The following ASCC3 variants were observed in gnomAD, a reference collection of about 807,000 sequenced individuals.
ASCC3 encodes the protein activating signal cointegrator 1 complex subunit 3, also known as ASC-1 complex subunit P200.
A neutral mutation model predicts 256.3 loss-of-function variants in ASCC3; 158 were observed. The ratio of observed to expected loss-of-function variants is 0.62; its 90% CI spans 0.54 to 0.70. The LOEUF is 0.70. ASCC3 is among the 30% of genes least tolerant of loss of function. The pLI is 0.00. For missense variants in ASCC3, 2,259 were observed against 2,626.0 expected (o/e 0.86, Z 3.05); for synonymous variants, 948 against 883.4 (o/e 1.07, Z -1.30).
chr6:100,694,522 A>T (rs191117160), intron 13 of ASCC3, among the ~76,000 whole-genome samples: 1 of 152,150 alleles, frequency 6.6e-6, no homozygotes, highest in South Asian at 2.1e-4. Context: ...CATTGTTTCT[A>T]AAGAGTTTAT....
At chr6:100,609,067 T>C (rs983962607) in intron 30 of ASCC3, among the ~76,000 whole-genome samples, 2 of 151,560 alleles carry the variant, frequency 1.3e-5, no homozygotes, top group African/African-American at 4.8e-5. Context: ...TGGCCTGCTA[T>C]AAATATTTTT....
rs142620290 is a variant in ASCC3, at chr6:100,655,747, C to T, written c.2775G>A (p.Arg925=). ...CATATGCTAATGGATTTGCTCTCAT[C>T]CGTACATAAAGATAAGTGTAACTTA... is the stretch of plus-strand genomic sequence containing the variant. ...KWISYTYLYV[R]MRANPLAYGI... The change falls in exon 17 of 42, where the codon CGG becomes CGA. Residue 925 remains arginine, a synonymous_variant. Transcript: ENST00000369162. The T allele has an allele frequency of 1.9e-6, 3 of 1,611,692 alleles. No individual in the cohort carries two copies. The highest frequency in any genetic ancestry group is 3.3e-5 in the Admixed American group (2 of 59,916).
At chr6:100,878,919 A>G (rs1769141660) in intron 1 of ASCC3, among the ~76,000 whole-genome samples, 10 of 152,174 alleles carry the variant, frequency 6.6e-5, no homozygotes, top group Admixed American at 6.5e-4. Flanking sequence ...AGATACTGTC[A>G]TATCCCACAG....
At chr6:100,514,611 T>G (rs999724557) in intron 39 of ASCC3, among the ~76,000 whole-genome samples, 3 of 149,344 alleles carry the variant, frequency 2.0e-5, no homozygotes, top group East Asian at 1.9e-4. Context: ...ATTTATTGGA[T>G]ATATATATAT....
chr6:100,764,972 A>G (rs1489789069), intron 10 of ASCC3, among the ~76,000 whole-genome samples: 1 of 152,188 alleles, frequency 6.6e-6, no homozygotes. Flanking sequence ...AATGACTAGT[A>G]TCCTTAAAAA....
chr6:100,808,605 T>C (rs1770305477), intron 4 of ASCC3, among the ~76,000 whole-genome samples: 1 of 151,892 alleles, frequency 6.6e-6, no homozygotes, highest in African/African-American at 2.4e-5. Flanking sequence ...ATTGCAAAAA[T>C]GTAAAATAAT....
chr6:100,628,860 CTTGAT>C (rs1774388539), intron 27 of ASCC3, among the ~76,000 whole-genome samples, 150 bp downstream of exon 27: 1 of 152,004 alleles, frequency 6.6e-6, no homozygotes, highest in Non-Finnish European at 1.5e-5. Context: ...TGTTAATTAG[CTTGAT>C]TTAATAATTC....
intron 4 of ASCC3, among the ~76,000 whole-genome samples, chr6:100,814,837 T>C (rs184560246): frequency 6.6e-6 from 1 of 152,274 alleles, no homozygotes; most frequent in East Asian, 1.9e-4. Flanking sequence ...CTTTTCTTCT[T>C]CATTAGTCTA....
At chr6:100,782,484 A>G (rs920734610) in intron 8 of ASCC3, among the ~76,000 whole-genome samples, 1 of 152,214 alleles carries the variant, frequency 6.6e-6, no homozygotes, top group Non-Finnish European at 1.5e-5. Context: ...TTTTGGGAAC[A>G]CAAAAATATT....
chr6:100,867,908 C>T lies in ASCC3; in HGVS notation c.90G>A (p.Lys30=), dbSNP rs1161807555. ...DNYNEEVADL[K]IKRSKLHEQV... is the part of the protein sequence containing the mutation. ...ACATTTCTACCTTTAACAAATCTAC[C>T]TTTAAGTCAGCCACTTCTTCATTAT... The change falls in exon 2 of 42, where the codon AAG becomes AAA. Residue 30 remains lysine, a splice_region_variant and synonymous_variant. Transcript: ENST00000369162. The T allele has an allele frequency of 1.2e-6, 2 of 1,608,532 alleles. No individual in the cohort carries two copies. Among genetic ancestry groups the T allele is most frequent in the Non-Finnish European group, 1.7e-6 (2 of 1,175,216 alleles).
intron 8 of ASCC3, among the ~76,000 whole-genome samples, chr6:100,769,696 G>A (rs910768151): frequency 4.0e-5 from 6 of 151,310 alleles, no homozygotes; most frequent in Non-Finnish European, 8.9e-5. Context: ...TTAACCTCTG[G>A]GCAGACTGAT....
At chr6:100,644,766 G>A (rs996985954) in intron 22 of ASCC3, among the ~76,000 whole-genome samples, 1 of 152,128 alleles carries the variant, frequency 6.6e-6, no homozygotes, top group Non-Finnish European at 1.5e-5. Flanking sequence ...GTAAGGCAGA[G>A]GCACATGACA....
chr6:100,873,141 C>T (rs201851535), intron 1 of ASCC3, among the ~76,000 whole-genome samples: 86 of 54,716 alleles, frequency 1.6e-3, no homozygotes, highest in Non-Finnish European at 3.8e-4. Context: ...TTTAAATAAA[C>T]AATAAATGAA....
intron 8 of ASCC3, among the ~76,000 whole-genome samples, chr6:100,782,755 A>C (rs564247345): frequency 6.6e-6 from 1 of 152,222 alleles, no homozygotes; most frequent in South Asian, 2.1e-4. Context: ...TCTGAGATGA[A>C]AAGATCTTTT....
At chr6:100,790,531 GTGT>G (rs1275382017) in intron 8 of ASCC3, among the ~76,000 whole-genome samples, 4 of 152,080 alleles carry the variant, frequency 2.6e-5, no homozygotes, top group Admixed American at 6.6e-5. Context: ...ATATTTCTGT[GTGT>G]TGTTGTAGGT....
chr6:100,682,447 T>G (rs1267655811), intron 13 of ASCC3, among the ~76,000 whole-genome samples: 7 of 152,214 alleles, frequency 4.6e-5, no homozygotes, highest in African/African-American at 1.4e-4. Context: ...CTGTGGTCTC[T>G]TCCATTAAAA....
At chr6:100,877,429 ATATTT>A (rs1342307545) in intron 1 of ASCC3, among the ~76,000 whole-genome samples, 1 of 152,210 alleles carries the variant, frequency 6.6e-6, no homozygotes, top group Non-Finnish European at 1.5e-5. Flanking sequence ...AAGAATATTT[ATATTT>A]TATTGTGCCT....
At chr6:100,577,906 C>T (rs887916248) in intron 36 of ASCC3, among the ~76,000 whole-genome samples, 20 of 151,884 alleles carry the variant, frequency 1.3e-4, no homozygotes, top group African/African-American at 4.4e-4. Context: ...TAGTGAGCAA[C>T]GAAATTGAGT....
intron 36 of ASCC3, among the ~76,000 whole-genome samples, chr6:100,574,051 T>C (rs1361592322): frequency 1.3e-5 from 2 of 152,106 alleles, no homozygotes; most frequent in African/African-American, 2.4e-5. Flanking sequence ...AAAGCTATAT[T>C]GAGCAGCAAT....
Sources: allele counts gnomAD v4.1 joint callset (sites outside exome capture counted in the v4.1 genomes callset), GRCh38; gene constraint gnomAD v4.1.1; transcripts MANE v1.5; gene names NCBI Gene and HGNC (gene_info 2026-07-23, HGNC 2026-07-21).